Variants in ARHGAP26 observed in about 807,000 individuals in gnomAD.
The protein encoded by ARHGAP26 is Rho GTPase activating protein 26.
In ARHGAP26, 38 loss-of-function variants were observed where a neutral mutation model predicts 104.8. The ratio of observed to expected loss-of-function variants is 0.36; its 90% confidence interval spans 0.28 to 0.48. The LOEUF (loss-of-function observed/expected upper bound fraction) is 0.48, where lower values mean the gene tolerates loss of function less well. Ranked by LOEUF, ARHGAP26 falls within the 20% of genes least tolerant of loss-of-function variation. The pLI is 0.99. For missense variants in ARHGAP26, 704 were observed against 947.9 expected (o/e 0.74, Z 3.38); for synonymous variants, 341 against 340.0 (o/e 1.00, Z -0.03).
At chr5:142,808,336 A>C (rs1763432728) in intron 1 of ARHGAP26, among the ~76,000 whole-genome samples, 1 of 149,662 alleles carries the variant, frequency 6.7e-6, no homozygotes, top group Non-Finnish European at 1.5e-5. Flanking sequence ...TCTGCTTGTT[A>C]AACTCAGCAT....
chr5:143,058,447 C>G (rs2150300073), intron 17 of ARHGAP26, among the ~76,000 whole-genome samples: 1 of 152,328 alleles, frequency 6.6e-6, no homozygotes, highest in African/African-American at 2.4e-5. Context: ...GTTCCTTGAC[C>G]CTTTCACAAA....
At chr5:142,995,061 C>A (rs1449637030) in intron 11 of ARHGAP26, among the ~76,000 whole-genome samples, 2 of 152,042 alleles carry the variant, frequency 1.3e-5, no homozygotes, top group Non-Finnish European at 2.9e-5. Context: ...CAATAAAAAC[C>A]CTAGAAGAAA....
At chr5:143,082,694 G>C (rs555469417) in intron 17 of ARHGAP26, among the ~76,000 whole-genome samples, 93 of 152,328 alleles carry the variant, frequency 6.1e-4, no homozygotes, top group Non-Finnish European at 8.8e-4. Context: ...CCGCACATAA[G>C]CGTAATTACA....
At chr5:142,965,315 T>C (rs2152682773) in intron 11 of ARHGAP26, among the ~76,000 whole-genome samples, 1 of 151,968 alleles carries the variant, frequency 6.6e-6, no homozygotes, top group Non-Finnish European at 1.5e-5. Flanking sequence ...AGGAGCAGAG[T>C]CTTCTCTAAA....
At chr5:142,866,758 C>T (rs1754352682) in intron 1 of ARHGAP26, 1 of 152,124 alleles carries the variant, frequency 6.6e-6, no homozygotes, top group Non-Finnish European at 1.5e-5. Context: ...AGGGAAATGG[C>T]CTCAGGAAAA....
intron 14 of ARHGAP26, among the ~76,000 whole-genome samples, chr5:143,053,411 A>G (rs1785316017): frequency 6.6e-6 from 1 of 152,002 alleles, no homozygotes; most frequent in Non-Finnish European, 1.5e-5. Flanking sequence ...AGTATGAGGG[A>G]GCTGGATTCT....
chr5:143,147,545 G>A (rs571744637), intron 20 of ARHGAP26, 164 bp downstream of exon 20: 1 of 734,178 alleles, frequency 1.4e-6, no homozygotes, highest in East Asian at 2.8e-5. Flanking sequence ...GGTTTTTAAA[G>A]CATCATCATC....
At chr5:143,003,704 G>A (rs1044763732) in intron 11 of ARHGAP26, among the ~76,000 whole-genome samples, 2 of 152,164 alleles carry the variant, frequency 1.3e-5, no homozygotes, top group African/African-American at 4.8e-5. Flanking sequence ...GTGGAGTAAG[G>A]AAAAGGGAAA....
At chr5:143,073,165 G>A (rs191803600) in intron 17 of ARHGAP26, among the ~76,000 whole-genome samples, 165 of 152,272 alleles carry the variant, frequency 1.1e-3, no homozygotes, top group African/African-American at 3.8e-3. Flanking sequence ...TAGGTGATGA[G>A]GGGAATCCAA....
intron 11 of ARHGAP26, among the ~76,000 whole-genome samples, chr5:142,966,016 T>A (rs189507667): frequency 6.6e-6 from 1 of 152,344 alleles, no homozygotes; most frequent in East Asian, 1.9e-4. Context: ...CCCTTGCATT[T>A]TGGGCAGTTT....
intron 1 of ARHGAP26, among the ~76,000 whole-genome samples, chr5:142,846,361 G>A (rs1475824096): frequency 6.6e-6 from 1 of 152,156 alleles, no homozygotes; most frequent in Non-Finnish European, 1.5e-5. Context: ...TAGGTGGGAG[G>A]GTGGGGCATG....
At chr5:143,064,404 T>C (rs924532878) in intron 17 of ARHGAP26, among the ~76,000 whole-genome samples, 1 of 151,784 alleles carries the variant, frequency 6.6e-6, no homozygotes, top group African/African-American at 2.4e-5. Flanking sequence ...TGGCTCTTTT[T>C]TTTTTTTTTT....
intron 20 of ARHGAP26, among the ~76,000 whole-genome samples, chr5:143,181,343 C>T (rs1804329378): frequency 6.6e-6 from 1 of 152,242 alleles, no homozygotes; most frequent in Non-Finnish European, 1.5e-5. Context: ...GTACTTGTTG[C>T]ACTTCTGCAA....
chr5:142,824,434 G>A (rs114362328), intron 1 of ARHGAP26, among the ~76,000 whole-genome samples: 2 of 152,184 alleles, frequency 1.3e-5, no homozygotes, highest in Non-Finnish European at 2.9e-5. Flanking sequence ...AGTACTTACT[G>A]GTTTAGCTGA....
At chr5:143,014,234 T>A (rs746641966) in intron 12 of ARHGAP26, 118 bp downstream of exon 12, 62 of 1,150,928 alleles carry the variant, frequency 5.4e-5, no homozygotes, top group Non-Finnish European at 7.4e-5. Context: ...TGGCTCCAGT[T>A]CCCGAGTGCA....
chr5:143,062,061 A>G (rs183293955), intron 17 of ARHGAP26, among the ~76,000 whole-genome samples: 37 of 152,374 alleles, frequency 2.4e-4, no homozygotes, highest in African/African-American at 8.4e-4. Flanking sequence ...CAGAATAAAG[A>G]CAGCCCACGG....
intron 1 of ARHGAP26, among the ~76,000 whole-genome samples, chr5:142,821,993 G>T (rs956972401): frequency 6.6e-6 from 1 of 152,192 alleles, no homozygotes; most frequent in African/African-American, 2.4e-5. Context: ...TAAAAAGTTA[G>T]AGATGACAAA....
At chr5:142,872,770 A>G (rs779718411) in intron 1 of ARHGAP26, among the ~76,000 whole-genome samples, 1 of 152,196 alleles carries the variant, frequency 6.6e-6, no homozygotes, top group Non-Finnish European at 1.5e-5. Context: ...GTGGCCAGCC[A>G]GGAAAATTCA....
chr5:143,052,259 C>T (rs1264220528), intron 14 of ARHGAP26, among the ~76,000 whole-genome samples: 1 of 152,100 alleles, frequency 6.6e-6, no homozygotes, highest in Non-Finnish European at 1.5e-5. Context: ...ATCTCGAGGT[C>T]AGGAGTTCAA....
Sources: allele counts gnomAD v4.1 joint callset (sites outside exome capture counted in the v4.1 genomes callset), GRCh38; gene constraint gnomAD v4.1.1; transcripts MANE v1.5; gene names NCBI Gene and HGNC (gene_info 2026-07-23, HGNC 2026-07-21).